Variants in PLXNA2 observed in about 807,000 individuals in gnomAD.
PLXNA2 encodes the protein plexin A2, also known as plexin-A2.
A neutral mutation model predicts 193.5 loss-of-function variants in PLXNA2; 91 were observed. The ratio of observed to expected loss-of-function variants is 0.47; its 90% CI spans 0.40 to 0.56. The LOEUF (loss-of-function observed/expected upper bound fraction) is 0.56, where lower values mean the gene tolerates loss of function less well. Among genes scored for constraint, PLXNA2 ranks in the 20% least tolerant of loss-of-function variants. PLXNA2 has a pLI of 0.00. For missense variants in PLXNA2, 1,995 were observed against 2,503.2 expected (o/e 0.80, Z 4.33); for synonymous variants, 997 against 1,027.3 (o/e 0.97, Z 0.56).
chr1:208,219,946 G>T (rs143889839), intron 1 of PLXNA2, among the ~76,000 whole-genome samples: 6 of 152,188 alleles, frequency 3.9e-5, no homozygotes, highest in South Asian at 2.1e-4. Context: ...TCCTGAGGCC[G>T]GTAGCAGGAC....
At chr1:208,100,650 A>G (rs1370304355) in intron 5 of PLXNA2, among the ~76,000 whole-genome samples, 1 of 152,238 alleles carries the variant, frequency 6.6e-6, no homozygotes, top group East Asian at 1.9e-4. Flanking sequence ...TCATTGGGAT[A>G]TTCTACCTGT....
intron 12 of PLXNA2, among the ~76,000 whole-genome samples, chr1:208,070,389 C>T (rs1665940608): frequency 6.6e-6 from 1 of 152,220 alleles, no homozygotes; most frequent in Non-Finnish European, 1.5e-5. Context: ...CAGGCAATAT[C>T]CACACTCCCC....
intron 12 of PLXNA2, among the ~76,000 whole-genome samples, chr1:208,061,988 G>A (rs2102351418): frequency 6.6e-6 from 1 of 152,218 alleles, no homozygotes; most frequent in Admixed American, 6.5e-5. Context: ...CCAAAGCTTT[G>A]AACAACTTGT....
At chr1:208,043,640 A>C (rs2102321668) in intron 20 of PLXNA2, among the ~76,000 whole-genome samples, 1 of 152,282 alleles carries the variant, frequency 6.6e-6, no homozygotes, top group African/African-American at 2.4e-5. Flanking sequence ...TGGTCATGAG[A>C]CGCTCAGCTG....
intron 3 of PLXNA2, among the ~76,000 whole-genome samples, chr1:208,208,085 G>A (rs1038410186): frequency 1.9e-4 from 29 of 152,382 alleles, no homozygotes; most frequent in African/African-American, 6.5e-4. Context: ...CCCCTAGTGT[G>A]TGCTGTGCAC....
intron 4 of PLXNA2, among the ~76,000 whole-genome samples, chr1:208,111,965 G>A (rs1022787424): frequency 6.6e-6 from 1 of 152,196 alleles, no homozygotes; most frequent in Non-Finnish European, 1.5e-5. Flanking sequence ...GCTGACCCCG[G>A]TGCTGTCTCC....
chr1:208,051,495 G>A, intron 15 of PLXNA2, 72 bp from the exon 16 acceptor site: 1 of 1,333,960 alleles, frequency 7.5e-7, no homozygotes, highest in Non-Finnish European at 1.0e-6. Context: ...GCTTGACAAG[G>A]GGCTTTCCTT....
chr1:208,133,252 C>T (rs1558209447), intron 4 of PLXNA2, among the ~76,000 whole-genome samples: 1 of 152,200 alleles, frequency 6.6e-6, no homozygotes, highest in Non-Finnish European at 1.5e-5. Flanking sequence ...ATACATAGTA[C>T]ATCTCTTCTA....
At chr1:208,111,925 C>G (rs552711505) in intron 4 of PLXNA2, among the ~76,000 whole-genome samples, 1 of 152,338 alleles carries the variant, frequency 6.6e-6, no homozygotes, top group Admixed American at 6.5e-5. Context: ...GTGATTGCAA[C>G]TAAAGCAATG....
chr1:208,067,131 G>T (rs1234776073), intron 12 of PLXNA2, among the ~76,000 whole-genome samples: 1 of 152,102 alleles, frequency 6.6e-6, no homozygotes, highest in African/African-American at 2.4e-5. Flanking sequence ...GATCACCTGA[G>T]TTCGGGAGTT....
intron 3 of PLXNA2, among the ~76,000 whole-genome samples, chr1:208,180,757 G>A (rs1164367812): frequency 6.6e-6 from 1 of 152,206 alleles, no homozygotes; most frequent in African/African-American, 2.4e-5. Context: ...TGAAGTTGTT[G>A]CCCCTCATGA....
At chr1:208,027,985 G>C in intron 31 of PLXNA2, 24 bp downstream of exon 31, 1 of 1,529,316 alleles carries the variant, frequency 6.5e-7, no homozygotes, top group Non-Finnish European at 8.8e-7. Context: ...GTTGGTTTCT[G>C]TCCCTGCTGG....
intron 4 of PLXNA2, among the ~76,000 whole-genome samples, chr1:208,124,657 C>G (rs886546864): frequency 4.2e-5 from 5 of 119,996 alleles, no homozygotes; most frequent in African/African-American, 6.5e-5. Context: ...CCAGCCTGGG[C>G]GACAACAGCA....
At chr1:208,136,208 G>A (rs988215640) in intron 4 of PLXNA2, among the ~76,000 whole-genome samples, 1 of 152,178 alleles carries the variant, frequency 6.6e-6, no homozygotes, top group South Asian at 2.1e-4. Context: ...ATAGAATAGA[G>A]ATGAGCCGTC....
At chr1:208,159,652 C>G (rs1669049685) in intron 3 of PLXNA2, among the ~76,000 whole-genome samples, 1 of 152,258 alleles carries the variant, frequency 6.6e-6, no homozygotes. Flanking sequence ...ACCGTGACGC[C>G]CACTTGCAAT....
chr1:208,238,691 C>T (rs915891860), intron 1 of PLXNA2, among the ~76,000 whole-genome samples: 2 of 152,068 alleles, frequency 1.3e-5, no homozygotes, highest in African/African-American at 2.4e-5. Context: ...ATTAAATCAG[C>T]GATACAATGT....
intron 13 of PLXNA2, among the ~76,000 whole-genome samples, chr1:208,057,386 G>A (rs1482433778): frequency 6.6e-6 from 1 of 152,216 alleles, no homozygotes; most frequent in African/African-American, 2.4e-5. Context: ...TTAATGGGAT[G>A]CTCTGTATGT....
intron 3 of PLXNA2, among the ~76,000 whole-genome samples, chr1:208,198,800 G>C (rs148865527): frequency 3.4e-4 from 52 of 152,300 alleles, no homozygotes; most frequent in African/African-American, 1.1e-3. Context: ...ATGCTAAAAA[G>C]CTAGTGGTTA....
intron 4 of PLXNA2, among the ~76,000 whole-genome samples, chr1:208,134,704 C>T (rs1362611521): frequency 6.6e-6 from 1 of 152,146 alleles, no homozygotes; most frequent in Non-Finnish European, 1.5e-5. Context: ...TTACTGAGTC[C>T]TTGCCCGCCT....
Sources: allele counts gnomAD v4.1 joint callset (sites outside exome capture counted in the v4.1 genomes callset), GRCh38; gene constraint gnomAD v4.1.1; transcripts MANE v1.5; gene names NCBI Gene and HGNC (gene_info 2026-07-23, HGNC 2026-07-21).